SFXN5: variants seen among roughly 807,000 people sequenced by gnomAD.
SFXN5 encodes sideroflexin 5.
A neutral mutation model predicts 50.2 loss-of-function variants in SFXN5; 43 were observed. The observed-to-expected ratio is 0.86, with a 90% confidence interval of 0.67 to 1.11. SFXN5 has a LOEUF of 1.11. SFXN5 is among the 50% of genes least tolerant of loss of function. The pLI is 0.00. For missense variants in SFXN5, 463 were observed against 454.1 expected (o/e 1.02, Z -0.18); for synonymous variants, 203 against 185.8 (o/e 1.09, Z -0.75).
intron 6 of SFXN5, among the ~76,000 whole-genome samples, chr2:73,004,509 G>A (rs993416679): frequency 2.0e-5 from 3 of 152,184 alleles, no homozygotes; most frequent in African/African-American, 7.2e-5. Flanking sequence ...TAGGAAGGGA[G>A]GGGTGAGTGT....
chr2:72,979,703 T>A (rs915609826), intron 10 of SFXN5, among the ~76,000 whole-genome samples: 2 of 152,194 alleles, frequency 1.3e-5, no homozygotes, highest in Non-Finnish European at 2.9e-5. Flanking sequence ...TAAGGAGAAG[T>A]TACAATTTTA....
At chr2:73,046,233 A>T (rs1055773541) in intron 2 of SFXN5, among the ~76,000 whole-genome samples, 10 of 151,950 alleles carry the variant, frequency 6.6e-5, no homozygotes, top group Admixed American at 5.9e-4. Flanking sequence ...ACATGGTGAA[A>T]CCCCATCTCT....
In SFXN5 at chr2:73,011,625, G is replaced by A. The variant is rs545829395; in HGVS notation, c.357+8614C>T. ...AAAGAGTGTGAACAGGTAATTCAGA[G>A]AAGGGGGAATACAAATCACCAATAA... On this transcript the variant is annotated intron_variant, in intron 6 of 13. Coordinates refer to ENST00000272433, the MANE Select transcript of SFXN5 (RefSeq NM_144579.3). Among the ~76,000 whole-genome samples, 2 of 152,100 alleles carry A rather than the reference G, an allele frequency of 1.3e-5. 1 individual carries two copies. The highest frequency in any genetic ancestry group is 1.3e-4 in the Admixed American group (2 of 15,272).
intron 1 of SFXN5, among the ~76,000 whole-genome samples, chr2:73,068,054 T>C (rs1290338327): frequency 6.6e-6 from 1 of 152,168 alleles, no homozygotes; most frequent in Admixed American, 6.5e-5. Context: ...CTCATCACCC[T>C]TTCTTCACAC....
intron 12 of SFXN5, among the ~76,000 whole-genome samples, chr2:72,963,076 G>A (rs1008250082): frequency 5.9e-5 from 9 of 152,138 alleles, no homozygotes; most frequent in Non-Finnish European, 1.3e-4. Flanking sequence ...GATGAGGAGC[G>A]GGGGATACAA....
At chr2:73,064,002 T>G (rs1203369521) in intron 1 of SFXN5, among the ~76,000 whole-genome samples, 1 of 152,150 alleles carries the variant, frequency 6.6e-6, no homozygotes, top group East Asian at 1.9e-4. Flanking sequence ...GTCAGCCAAG[T>G]GATTCCTTCT....
At position 72,945,050 on chromosome 2, in the gene SFXN5, C is replaced by A; in HGVS notation, c.995G>T (p.Arg332Leu). The A allele has an allele frequency of 6.2e-7, 1 of 1,613,966 alleles. No homozygotes were observed. Among genetic ancestry groups the A allele is most frequent in the Non-Finnish European group, 8.5e-7 (1 of 1,179,908 alleles). The change falls in exon 14 of 14, where the codon CGG becomes CTG. Residue 332 changes from arginine to leucine, a missense_variant. Transcript: ENST00000272433. The surrounding 1 kb of genome is among the most constrained non-coding windows in gnomAD (Gnocchi z 5.8). ...EPEIAQATSS[R>L]TVVYNKGL is the part of the protein sequence containing the mutation. ...CAACCCCTTGTTGTACACCACTGTC[C>A]GGCTGCTCGTGGCCTGGGCTATCTC...
intron 2 of SFXN5, chr2:73,042,494 T>G (rs1476854336): frequency 1.3e-5 from 2 of 151,918 alleles, no homozygotes; most frequent in African/African-American, 2.4e-5. Flanking sequence ...GCACCTGTAA[T>G]CCCAGCTACT....
intron 9 of SFXN5, among the ~76,000 whole-genome samples, chr2:72,991,754 G>A (rs1281371808): frequency 3.9e-5 from 6 of 152,212 alleles, no homozygotes; most frequent in African/African-American, 9.7e-5. Flanking sequence ...ATGCCAGCTC[G>A]TTTTTCCCTG....
At chr2:72,974,030 T>C (rs1235913305) in intron 10 of SFXN5, among the ~76,000 whole-genome samples, 3 of 152,168 alleles carry the variant, frequency 2.0e-5, no homozygotes, top group Admixed American at 2.0e-4. Context: ...AGCTACCAGC[T>C]CACTCTGGGG....
intron 9 of SFXN5, among the ~76,000 whole-genome samples, chr2:72,995,660 G>A (rs1233625820): frequency 6.6e-6 from 1 of 152,100 alleles, no homozygotes; most frequent in Non-Finnish European, 1.5e-5. Context: ...CCAACCACTG[G>A]GGCCGTGACA....
At chr2:73,030,119 CA>C (rs917677564) in intron 3 of SFXN5, among the ~76,000 whole-genome samples, 2 of 149,528 alleles carry the variant, frequency 1.3e-5, no homozygotes, top group African/African-American at 4.9e-5. Context: ...AACAAACGAA[CA>C]AAAAAAAACA....
At position 73,004,312 on chromosome 2, in the gene SFXN5, C is replaced by T. The variant is rs1415345098; in HGVS notation, c.358-2734G>A. Among the ~76,000 whole-genome samples, 6 of 133,002 alleles carry T rather than the reference C, an allele frequency of 4.5e-5. No individual in the cohort carries two copies. The East Asian group carries it at 1.0e-3, about 22-fold the overall frequency. 87.3% of individuals were successfully genotyped at this position (133,002 alleles called of 152,430 possible). A position where few individuals can be genotyped will look rare whatever the true frequency, so the allele number is the denominator to read the frequency against. On this transcript the variant is annotated intron_variant, in intron 6 of 13. Transcript: ENST00000272433. ...AAGCCAGAGGAGAGGAATGAGTGCG[C>T]GCGCACACACACACACACACACACA...
At position 72,961,019 on chromosome 2, in the gene SFXN5, A is replaced by G. The variant is rs1003737112; in HGVS notation, c.945+112T>C. On this transcript the variant is annotated intron_variant, in intron 13 of 13. Transcript: ENST00000272433. The surrounding 1 kb of genome is among the most constrained non-coding windows in gnomAD (Gnocchi z 4.4). ...CTGGGCCAGCCTCATTCACGGTTCC[A>G]GCCCCAGCGCCTAGCATGGCGCTAA... The G allele has an allele frequency of 2.8e-6, 2 of 717,872 alleles. No homozygotes were observed. The highest frequency in any genetic ancestry group is 5.3e-5 in the South Asian group (2 of 37,740). The allele number at this position is 717,872 out of a possible 1,614,324, so 44.5% of individuals were successfully genotyped here.
intron 3 of SFXN5, among the ~76,000 whole-genome samples, chr2:73,033,464 G>A (rs1295399449): frequency 1.3e-5 from 2 of 152,234 alleles, no homozygotes; most frequent in Non-Finnish European, 2.9e-5. Context: ...GGCAGAGATG[G>A]AGATTACAGA....
intron 12 of SFXN5, among the ~76,000 whole-genome samples, chr2:72,968,122 AACACACACACACAC>A (rs34361357): frequency 3.2e-4 from 44 of 137,284 alleles, no homozygotes; most frequent in East Asian, 2.4e-3. Flanking sequence ...CACACATGAA[AACACACACACACAC>A]ACACACACAC....
rs749984791 is a variant in SFXN5, at chr2:72,945,133, A to AGT, written c.946-36_946-35dup. The AGT allele has an allele frequency of 3.1e-6, 5 of 1,597,442 alleles. No individual in the cohort carries two copies. ...AGAGAACAGAGAGGAAAAGTGGGGG[A>AGT]GTGGGAAGGGGCAAATAGTGGGGCT... is the stretch of plus-strand genomic sequence containing the variant. On this transcript the variant is annotated intron_variant, in intron 13 of 13. Transcript: ENST00000272433. This position sits in a 1 kb window ranked among gnomAD's most constrained non-coding sequence, Gnocchi z 5.8.
intron 3 of SFXN5, among the ~76,000 whole-genome samples, chr2:73,025,905 G>A (rs1677486196): frequency 1.3e-5 from 2 of 152,180 alleles, no homozygotes; most frequent in South Asian, 4.1e-4. Context: ...ATGGTCACAG[G>A]CACAGGGGGA....
At chr2:73,042,126 C>T (rs1465726598) in intron 2 of SFXN5, among the ~76,000 whole-genome samples, 3 of 151,994 alleles carry the variant, frequency 2.0e-5, no homozygotes, top group Non-Finnish European at 4.4e-5. Flanking sequence ...AGGATAAAAC[C>T]GTATGATTTT....
Sources: gnomAD v4.1 joint callset for allele counts (sites outside exome capture counted in the v4.1 genomes callset) on GRCh38, gnomAD v4.1.1 for gene constraint, Gnocchi (gnomAD v3.1) non-coding constraint, MANE v1.5 for transcripts, NCBI Gene and HGNC (gene_info 2026-07-23, HGNC 2026-07-21) for gene names.